STON2: variants seen among roughly 807,000 people sequenced by gnomAD.
STON2 encodes stonin-2.
STON2 carries 29 observed loss-of-function variants against 65.7 expected under a neutral mutation model. The ratio of observed to expected loss-of-function variants is 0.44; its 90% CI spans 0.33 to 0.60. STON2 has a LOEUF of 0.60. Ranked by LOEUF, STON2 falls within the 20% of genes least tolerant of loss-of-function variation. The pLI, the probability that STON2 is intolerant of heterozygous loss-of-function variation, is 0.03. For synonymous variants in STON2, 404 were observed against 414.2 expected (o/e 0.98, Z 0.30); for missense variants, 1,054 against 1,118.1 (o/e 0.94, Z 0.82).
chr14:81,335,555 C>CA (rs1195565137), intron 4 of STON2, among the ~76,000 whole-genome samples: 1 of 152,138 alleles, frequency 6.6e-6, no homozygotes, highest in Non-Finnish European at 1.5e-5. Flanking sequence ...GCTGGACTGT[C>CA]AGATACCCTG....
intron 4 of STON2, among the ~76,000 whole-genome samples, chr14:81,329,748 G>C (rs1342497424): frequency 6.6e-6 from 1 of 152,124 alleles, no homozygotes; most frequent in African/African-American, 2.4e-5. Flanking sequence ...CCTACCTATG[G>C]CTTAAACCGT....
chr14:81,339,717 T>G (rs1897518642), intron 4 of STON2, among the ~76,000 whole-genome samples: 1 of 152,216 alleles, frequency 6.6e-6, no homozygotes, highest in Non-Finnish European at 1.5e-5. Context: ...AGGAGTGGCT[T>G]ACCTGCTCCT....
chr14:81,421,239 T>C (rs1459293989), intron 2 of STON2, among the ~76,000 whole-genome samples: 1 of 152,088 alleles, frequency 6.6e-6, no homozygotes, highest in African/African-American at 2.4e-5. Flanking sequence ...AGAAGATGAA[T>C]AAAAAGATAT....
At chr14:81,348,902 A>G (rs540115056) in intron 4 of STON2, among the ~76,000 whole-genome samples, 30 of 152,290 alleles carry the variant, frequency 2.0e-4, no homozygotes, top group Non-Finnish European at 4.1e-4. Flanking sequence ...AAACAGACCC[A>G]TAAGGCCAAT....
At chr14:81,270,426 G>T (rs1595267015) in intron 7 of STON2, 1 of 1,422,650 alleles carries the variant, frequency 7.0e-7, no homozygotes, top group South Asian at 1.6e-5. Flanking sequence ...ATGACAGAAA[G>T]ACATTATATT....
rs1162156353 is a variant in STON2, at chr14:81,339,657, G to A, written c.572-15470C>T. Among the ~76,000 whole-genome samples, 3 of 152,136 alleles carry A rather than the reference G, an allele frequency of 2.0e-5. No homozygotes were observed. In the East Asian group the frequency reaches 5.8e-4, roughly 29 times the overall value. ...GGGATGTCATGTATGAGCCAAAGAA[G>A]GCCAGGCTAAAGTTTTAGCTTTTTC... On this transcript the variant is annotated intron_variant, in intron 4 of 7. Coordinates refer to ENST00000614646, the MANE Select transcript of STON2 (RefSeq NM_001394390.1).
chr14:81,352,331 G>A (rs1898055657), intron 4 of STON2, among the ~76,000 whole-genome samples: 1 of 152,202 alleles, frequency 6.6e-6, no homozygotes, highest in Non-Finnish European at 1.5e-5. Flanking sequence ...TGACTAAGTG[G>A]AAGGTACTGC....
At chr14:81,374,311 G>A (rs962157876) in intron 3 of STON2, among the ~76,000 whole-genome samples, 4 of 151,804 alleles carry the variant, frequency 2.6e-5, no homozygotes, top group African/African-American at 7.3e-5. Context: ...GAGCCACCAC[G>A]CCCGGCCAAT....
At chr14:81,416,647 C>G (rs549633459) in intron 2 of STON2, among the ~76,000 whole-genome samples, 1 of 152,218 alleles carries the variant, frequency 6.6e-6, no homozygotes, top group Non-Finnish European at 1.5e-5. Flanking sequence ...ACAGAGGACA[C>G]CGCTGCTATA....
intron 5 of STON2, among the ~76,000 whole-genome samples, chr14:81,295,442 T>A (rs768774575): frequency 6.6e-6 from 1 of 152,264 alleles, no homozygotes; most frequent in East Asian, 1.9e-4. Flanking sequence ...TGGATCTGCG[T>A]TGAGAGTCTT....
chr14:81,291,891 AC>A (rs1895571906), intron 5 of STON2, among the ~76,000 whole-genome samples: 1 of 151,400 alleles, frequency 6.6e-6, no homozygotes, highest in African/African-American at 2.4e-5. Context: ...ACACACACAC[AC>A]ACACACACAC....
intron 2 of STON2, among the ~76,000 whole-genome samples, chr14:81,415,694 A>G (rs2139876033): frequency 6.9e-6 from 1 of 145,924 alleles, no homozygotes; most frequent in East Asian, 2.0e-4. Flanking sequence ...AAAAAAATCT[A>G]TTGTAATTCC....
chr14:81,324,755 T>C (rs7153834), intron 4 of STON2, among the ~76,000 whole-genome samples: 1,926 of 152,340 alleles, frequency 0.013, 53 homozygotes, highest in African/African-American at 0.045. Context: ...TGGATTCACA[T>C]TGAAAGTTCA....
At chr14:81,366,893 C>A (rs143597185) in intron 4 of STON2, among the ~76,000 whole-genome samples, 1 of 152,230 alleles carries the variant, frequency 6.6e-6, no homozygotes, top group East Asian at 1.9e-4. Context: ...TACCCTGTCA[C>A]CCTGACTGAG....
In STON2 at chr14:81,333,323, C is replaced by A; in HGVS notation, c.572-9136G>T. On this transcript the variant is annotated intron_variant, in intron 4 of 7. Transcript: ENST00000614646. ...GTTTCCTCTGAAGTCGTTGGTTGGT[C>A]ATGAACTTTCTAGTTCAGATAGTTA... 4.8e-6 allele frequency: 3 copies of A among 619,616 alleles called. No homozygotes were observed. The South Asian group carries it at 5.0e-5, about 10-fold the overall frequency. 38.4% of individuals were successfully genotyped at this position (619,616 alleles called of 1,614,324 possible). A position where few individuals can be genotyped will look rare whatever the true frequency, so the allele number is the denominator to read the frequency against.
intron 5 of STON2, among the ~76,000 whole-genome samples, chr14:81,322,530 G>C (rs1896857050): frequency 6.6e-6 from 1 of 152,092 alleles, no homozygotes; most frequent in South Asian, 2.1e-4. Flanking sequence ...CGATTAATCA[G>C]CCAAGGGGAA....
chr14:81,273,588 T>TC (rs999153875), intron 6 of STON2, among the ~76,000 whole-genome samples: 55 of 151,972 alleles, frequency 3.6e-4, no homozygotes, highest in Non-Finnish European at 7.6e-4. Context: ...CTTGGAGAGC[T>TC]CAGAGAGGGG....
Position 81,278,618 on chromosome 14 carries a change from G to T in STON2, c.864C>A (p.Ser288Arg). The T allele has an allele frequency of 6.3e-7, 1 of 1,590,220 alleles. No homozygotes were observed. Among genetic ancestry groups the T allele is most frequent in the Admixed American group, 1.7e-5 (1 of 58,408 alleles). Reference protein sequence around the residue: ...APPVTSARFPSWVTFDDNEVS... With the variant: ...APPVTSARFPRWVTFDDNEVS... ...CTTCATTGTCATCAAAGGTGACCCA[G>T]CTGGGAAAACGAGCAGAGGTCACTG... The change falls in exon 6 of 8, where the codon AGC becomes AGA. Residue 288 changes from serine (S) to arginine (R), a missense_variant. Physicochemically the swap from Ser to Arg is moderately radical, Grantham distance 110 (BLOSUM62 -1). Transcript: ENST00000614646.
chr14:81,349,927 C>G (rs1396533551), intron 4 of STON2, among the ~76,000 whole-genome samples: 1 of 152,174 alleles, frequency 6.6e-6, no homozygotes, highest in East Asian at 1.9e-4. Context: ...TCATTTGCAG[C>G]AACATGGATG....
Sources: allele counts gnomAD v4.1 joint callset (sites outside exome capture counted in the v4.1 genomes callset), GRCh38; gene constraint gnomAD v4.1.1; transcripts MANE v1.5; gene names NCBI Gene and HGNC (gene_info 2026-07-23, HGNC 2026-07-21).